KDM4B: variants seen among roughly 807,000 people sequenced by gnomAD.
KDM4B encodes lysine demethylase 4B.
In KDM4B, 32 loss-of-function variants were observed where a neutral mutation model predicts 125.2. The observed-to-expected ratio is 0.26, with a 90% CI of 0.19 to 0.34. The LOEUF (loss-of-function observed/expected upper bound fraction) is 0.34, where lower values mean the gene tolerates loss of function less well. Among genes scored for constraint, KDM4B ranks in the 10% least tolerant of loss-of-function variants. The pLI is 1.00. For synonymous variants in KDM4B, 721 were observed against 677.9 expected (o/e 1.06, Z -0.99); for missense variants, 1,190 against 1,577.7 (o/e 0.75, Z 4.16).
At chr19:5,128,309 T>G (rs952976261) in intron 11 of KDM4B, among the ~76,000 whole-genome samples, 1 of 152,170 alleles carries the variant, frequency 6.6e-6, no homozygotes, top group Non-Finnish European at 1.5e-5. Flanking sequence ...CGTGAGGCTG[T>G]GTCCTGGCAT....
intron 2 of KDM4B, among the ~76,000 whole-genome samples, chr19:5,025,952 G>C (rs2036264859): frequency 6.6e-6 from 1 of 151,566 alleles, no homozygotes; most frequent in Admixed American, 6.6e-5. Flanking sequence ...GCACTATCTC[G>C]GCTCAATGCA....
intron 1 of KDM4B, among the ~76,000 whole-genome samples, chr19:4,986,189 G>A (rs753605190): frequency 6.6e-6 from 1 of 152,102 alleles, no homozygotes; most frequent in Non-Finnish European, 1.5e-5. Context: ...CATGGCGCTC[G>A]CCAAGGGCCA....
Position 4,997,853 on chromosome 19 carries a change from A to G in KDM4B, c.-108-18404A>G, listed in dbSNP as rs949402578. On this transcript the variant is annotated intron_variant, in intron 1 of 22. Coordinates refer to ENST00000159111, the MANE Select transcript of KDM4B (RefSeq NM_015015.3). The surrounding 1 kb of genome is among the most constrained non-coding windows in gnomAD (Gnocchi z 4.2). Reference sequence around the variant, plus strand: ...GAGGTTGCTAGACCTGGCGGGCCCCAGGGCCAGGAGTGAGGGGCGGACGTG... The same window carrying G: ...GAGGTTGCTAGACCTGGCGGGCCCCGGGGCCAGGAGTGAGGGGCGGACGTG... Among the ~76,000 whole-genome samples the G allele has an allele frequency of 2.6e-5, 4 of 152,350 alleles. No homozygotes were observed. In the South Asian group the frequency reaches 6.2e-4, roughly 24 times the overall value.
chr19:5,072,432 T>A (rs1215088977), intron 7 of KDM4B, among the ~76,000 whole-genome samples: 1 of 152,106 alleles, frequency 6.6e-6, no homozygotes, highest in African/African-American at 2.4e-5. Flanking sequence ...TTTTTGAGCG[T>A]TTCTATTGGA....
intron 1 of KDM4B, among the ~76,000 whole-genome samples, chr19:4,980,590 A>G (rs543907027): frequency 4.0e-5 from 6 of 151,330 alleles, no homozygotes; most frequent in African/African-American, 1.5e-4. Context: ...CACCCGGCTA[A>G]TTTTTGTATT....
At chr19:5,119,043 A>C in intron 10 of KDM4B, 1 of 832,316 alleles carries the variant, frequency 1.2e-6, no homozygotes, top group Non-Finnish European at 1.9e-6. Flanking sequence ...GGACAGAGCC[A>C]GGTGGCCAGG....
chr19:5,084,083 C>G (rs2038390607), intron 9 of KDM4B, among the ~76,000 whole-genome samples: 1 of 151,786 alleles, frequency 6.6e-6, no homozygotes, highest in Admixed American at 6.6e-5. Context: ...CCTGTCTCTA[C>G]TAAAAACACA....
chr19:4,969,896 G>GA (rs1478646588), intron 1 of KDM4B, among the ~76,000 whole-genome samples: 1 of 151,210 alleles, frequency 6.6e-6, no homozygotes, highest in East Asian at 1.9e-4. Context: ...CTGGATTTTA[G>GA]AAAAAAATCA....
chr19:4,985,184 C>G (rs963883662), intron 1 of KDM4B, among the ~76,000 whole-genome samples: 1 of 152,108 alleles, frequency 6.6e-6, no homozygotes, highest in Non-Finnish European at 1.5e-5. Flanking sequence ...ATTAGCCCAG[C>G]ATGGTGGTGC....
intron 6 of KDM4B, among the ~76,000 whole-genome samples, chr19:5,057,076 G>GCGCA (rs2037433711): frequency 6.6e-6 from 1 of 151,648 alleles, no homozygotes; most frequent in African/African-American, 2.4e-5. Context: ...GCGCGCGCGC[G>GCGCA]CGTATGTTAG....
chr19:4,991,638 A>C (rs1196144449), intron 1 of KDM4B, among the ~76,000 whole-genome samples: 1 of 152,218 alleles, frequency 6.6e-6, no homozygotes, highest in East Asian at 1.9e-4. Flanking sequence ...CAGTGTTAGC[A>C]CTGGCTCATT....
At chr19:5,075,390 A>G (rs776259829) in intron 7 of KDM4B, 9 of 152,214 alleles carry the variant, frequency 5.9e-5, no homozygotes, top group Non-Finnish European at 1.2e-4. Flanking sequence ...TCCTTACCTT[A>G]CCCGCCAAAT....
chr19:5,092,947 G>A (rs1161058917), intron 9 of KDM4B, among the ~76,000 whole-genome samples: 1 of 152,170 alleles, frequency 6.6e-6, no homozygotes, highest in African/African-American at 2.4e-5. Flanking sequence ...CTGTACCCCT[G>A]ACCACATGTC....
At chr19:5,089,753 C>G (rs1219439983) in intron 9 of KDM4B, among the ~76,000 whole-genome samples, 2 of 151,362 alleles carry the variant, frequency 1.3e-5, no homozygotes, top group Non-Finnish European at 2.9e-5. Flanking sequence ...GGGTGTAGCT[C>G]TGGGGAGGGA....
At chr19:5,107,366 CAG>C (rs2039055230) in intron 9 of KDM4B, among the ~76,000 whole-genome samples, 2 of 152,232 alleles carry the variant, frequency 1.3e-5, no homozygotes, top group Non-Finnish European at 2.9e-5. Flanking sequence ...CGAGTGCTGA[CAG>C]AGGACCACCA....
intron 21 of KDM4B, among the ~76,000 whole-genome samples, chr19:5,146,119 C>T (rs1412168054): frequency 7.5e-6 from 1 of 133,746 alleles, no homozygotes; most frequent in Admixed American, 7.5e-5. Flanking sequence ...CCCGGCCGTG[C>T]AGGCCGACCC....
intron 9 of KDM4B, among the ~76,000 whole-genome samples, chr19:5,088,166 G>A (rs1290966144): frequency 3.3e-5 from 5 of 152,278 alleles, no homozygotes; most frequent in South Asian, 2.1e-4. Flanking sequence ...GGGTAGGCCC[G>A]AGCATCTGAG....
chr19:5,147,854 G>A (rs975320450), intron 21 of KDM4B, among the ~76,000 whole-genome samples: 9 of 152,070 alleles, frequency 5.9e-5, no homozygotes, highest in Non-Finnish European at 1.0e-4. Context: ...CGTGGAGTGC[G>A]CGCCTGCCTG....
At chr19:5,045,042 C>T (rs2036980472) in intron 5 of KDM4B, among the ~76,000 whole-genome samples, 2 of 152,230 alleles carry the variant, frequency 1.3e-5, no homozygotes, top group South Asian at 4.1e-4. Flanking sequence ...CAGAAGTTTT[C>T]ATCTCCTTTG....
Sources: gnomAD v4.1 joint callset for allele counts (sites outside exome capture counted in the v4.1 genomes callset) on GRCh38, gnomAD v4.1.1 for gene constraint, Gnocchi (gnomAD v3.1) non-coding constraint, MANE v1.5 for transcripts, NCBI Gene and HGNC (gene_info 2026-07-23, HGNC 2026-07-21) for gene names.